The following GRIK5 variants were observed in gnomAD, a reference collection of about 807,000 sequenced individuals.
GRIK5 encodes glutamate ionotropic receptor kainate type subunit 5, also known as glutamate receptor ionotropic, kainate 5.
Under a neutral mutation model 97.4 loss-of-function variants are expected in GRIK5, and 43 were observed. The ratio of observed to expected loss-of-function variants is 0.44; its 90% confidence interval spans 0.35 to 0.57. GRIK5 has a LOEUF of 0.57. Among genes scored for constraint, GRIK5 ranks in the 20% least tolerant of loss-of-function variants. The pLI is 0.01. For synonymous variants in GRIK5, 580 were observed against 583.5 expected (o/e 0.99, Z 0.09); for missense variants, 1,015 against 1,382.0 (o/e 0.73, Z 4.21).
At chr19:42,057,289 CCT>C (rs976489404) in intron 6 of GRIK5, among the ~76,000 whole-genome samples, 10 of 152,044 alleles carry the variant, frequency 6.6e-5, no homozygotes, top group African/African-American at 2.2e-4. Flanking sequence ...CCAAATGTCC[CCT>C]GTCTCTCATG....
In GRIK5 at chr19:42,062,750, C is replaced by T. The variant is rs1420630530; in HGVS notation, c.342+8G>A. 1 of 1,613,000 alleles carries T rather than the reference C, an allele frequency of 6.2e-7. No homozygotes were observed. Among genetic ancestry groups the T allele is most frequent in the African/African-American group, 1.3e-5 (1 of 75,038 alleles). On this transcript the variant is annotated splice_region_variant and intron_variant, in intron 4 of 19. Transcript: ENST00000593562. The surrounding 1 kb of genome is among the most constrained non-coding windows in gnomAD (Gnocchi z 5.3). ...CCACAAAGCGCCGGCCCACACTCCC[C>T]ATCTCACCTCCTTCTCTCCACAGAT...
intron 11 of GRIK5, among the ~76,000 whole-genome samples, chr19:42,049,202 C>T (rs894344893): frequency 1.3e-5 from 2 of 152,248 alleles, no homozygotes; most frequent in East Asian, 1.9e-4. Flanking sequence ...TTCATTCATT[C>T]GCTGCCGCTG....
intron 15 of GRIK5, among the ~76,000 whole-genome samples, chr19:42,016,845 C>G (rs1255961473): frequency 1.3e-5 from 2 of 152,110 alleles, no homozygotes; most frequent in African/African-American, 4.8e-5. Flanking sequence ...CAGCGTAGGA[C>G]AGCCGGATAA....
At chr19:42,048,327 T>C (rs530403397) in intron 11 of GRIK5, among the ~76,000 whole-genome samples, 1 of 152,256 alleles carries the variant, frequency 6.6e-6, no homozygotes, top group South Asian at 2.1e-4. Flanking sequence ...AATGTATAAA[T>C]AACTCACAAT....
chr19:42,010,844 G>A (rs573318699), intron 15 of GRIK5, among the ~76,000 whole-genome samples: 1 of 152,050 alleles, frequency 6.6e-6, no homozygotes, highest in Admixed American at 6.6e-5. Context: ...TTGAGACAGG[G>A]TCCTGCTCTA....
At chr19:42,056,410 A>C (rs967336220) in intron 8 of GRIK5, among the ~76,000 whole-genome samples, 11 of 152,054 alleles carry the variant, frequency 7.2e-5, no homozygotes, top group African/African-American at 2.7e-4. Flanking sequence ...AAGCAGGGGG[A>C]AGAGGGTGTG....
intron 15 of GRIK5, among the ~76,000 whole-genome samples, chr19:42,010,868 T>A (rs1212434456): frequency 6.6e-6 from 1 of 152,136 alleles, no homozygotes; most frequent in East Asian, 1.9e-4. Flanking sequence ...TGGAGAGGCG[T>A]GAACACAGCT....
Position 42,021,820 on chromosome 19 carries a change from C to A in GRIK5, c.1697+127G>T, listed in dbSNP as rs572115591. Reference sequence around the variant, plus strand: ...AGGGCACAAAACTGAGAAAGGAGGGCACAGGGAATCCGAGGCCCCAAAGGG... The same window carrying A: ...AGGGCACAAAACTGAGAAAGGAGGGAACAGGGAATCCGAGGCCCCAAAGGG... On this transcript the variant is annotated intron_variant, in intron 14 of 19. Coordinates refer to ENST00000593562, the MANE Select transcript of GRIK5 (RefSeq NM_002088.5). This position sits in a 1 kb window ranked among gnomAD's most constrained non-coding sequence, Gnocchi z 4.2. 4 of 643,506 alleles carry A rather than the reference C, an allele frequency of 6.2e-6. No individual in the cohort carries two copies. The highest frequency in any genetic ancestry group is 1.1e-5 in the Non-Finnish European group (4 of 358,102). The allele number at this position is 643,506 out of a possible 1,614,324, so 39.9% of individuals were successfully genotyped here. A position where few individuals can be genotyped will look rare whatever the true frequency, so the allele number is the denominator to read the frequency against.
chr19:42,054,205 A>C (rs947356728), intron 9 of GRIK5, 115 bp downstream of exon 9: 23 of 1,115,466 alleles, frequency 2.1e-5, no homozygotes, highest in Non-Finnish European at 7.8e-6. Context: ...CAGGGGAGGC[A>C]GTGGGTACGG....
chr19:42,028,122 C>T (rs557832007), intron 12 of GRIK5, among the ~76,000 whole-genome samples: 2 of 152,308 alleles, frequency 1.3e-5, no homozygotes, highest in African/African-American at 4.8e-5. Context: ...CGTAAGCCAC[C>T]ATGCATGGTA....
chr19:42,042,771 A>G lies in GRIK5; in HGVS notation c.1270-16T>C. The G allele has an allele frequency of 1.2e-6, 2 of 1,604,952 alleles. No individual in the cohort carries two copies. Among genetic ancestry groups the G allele is most frequent in the South Asian group, 2.2e-5 (2 of 90,482 alleles). On this transcript the variant is annotated splice_polypyrimidine_tract_variant and intron_variant, in intron 11 of 19. Transcript: ENST00000593562. This position sits in a 1 kb window ranked among gnomAD's most constrained non-coding sequence, Gnocchi z 6.9. ...ATGGGTTCTCCTGGGTGGGCAGAAG[A>G]AAGCAGGGGTCAGAGGCTGGGTGTC...
At chr19:42,061,087 G>A (rs1004129172) in intron 5 of GRIK5, among the ~76,000 whole-genome samples, 5 of 151,956 alleles carry the variant, frequency 3.3e-5, no homozygotes, top group Middle Eastern at 3.2e-3. Flanking sequence ...TCGCTCTGTC[G>A]CCCAGGCTGG....
intron 11 of GRIK5, among the ~76,000 whole-genome samples, chr19:42,049,491 C>T (rs1457094490): frequency 1.3e-5 from 2 of 152,260 alleles, no homozygotes; most frequent in East Asian, 1.9e-4. Flanking sequence ...ACAGATGAAA[C>T]TCATAATGTT....
At position 41,999,121 on chromosome 19, in the gene GRIK5, TC is replaced by T; in HGVS notation, c.2692del (p.Asp898MetfsTer?). ...CGGGCCCCCGTGCGCGCTGCCCGCA[TC>T]CCCGCCCGCGCCGGCCGAGTAGAGC... Reference protein sequence around the residue: ...GKLYSAGAGGDAGSAHGGPQR... With the variant: ...GKLYSAGAGGXAGSAHGGPQR... On this transcript the variant is annotated frameshift_variant, in exon 20 of 20. Coordinates refer to ENST00000593562, the MANE Select transcript of GRIK5 (RefSeq NM_002088.5). LOFTEE classifies it low-confidence loss of function (END_TRUNC). The surrounding 1 kb of genome is among the most constrained non-coding windows in gnomAD (Gnocchi z 5.0). The T allele has an allele frequency of 1.4e-6, 2 of 1,419,866 alleles. No homozygotes were observed. Among genetic ancestry groups the T allele is most frequent in the Non-Finnish European group, 1.8e-6 (2 of 1,093,280 alleles). The allele number at this position is 1,419,866 out of a possible 1,614,324, so 88.0% of individuals were successfully genotyped here. A position where few individuals can be genotyped will look rare whatever the true frequency, so the allele number is the denominator to read the frequency against.
At chr19:42,067,437 C>A (rs767715455) in intron 1 of GRIK5, among the ~76,000 whole-genome samples, 1 of 152,084 alleles carries the variant, frequency 6.6e-6, no homozygotes, top group Admixed American at 6.6e-5. Flanking sequence ...GGACTGCAAA[C>A]TATAATGTGG....
rs544134293 is a variant in GRIK5, at chr19:42,002,108, G to A, written c.2514+1224C>T. ...CCTCATATACATGAGGCCTGAGACC[G>A]GGAATTTCAGACATGGAAGTTGCTG... On this transcript the variant is annotated intron_variant, in intron 19 of 19. Transcript: ENST00000593562. This position sits in a 1 kb window ranked among gnomAD's most constrained non-coding sequence, Gnocchi z 5.2. 22 of 715,794 alleles carry A rather than the reference G, an allele frequency of 3.1e-5. No individual in the cohort carries two copies. Among genetic ancestry groups the A allele is most frequent in the Middle Eastern group, 2.3e-4 (1 of 4,366 alleles). The allele number at this position is 715,794 out of a possible 1,614,324, so 44.3% of individuals were successfully genotyped here. A position where few individuals can be genotyped will look rare whatever the true frequency, so the allele number is the denominator to read the frequency against.
At chr19:42,001,014 T>C (rs1009898965) in intron 19 of GRIK5, among the ~76,000 whole-genome samples, 1 of 152,168 alleles carries the variant, frequency 6.6e-6, no homozygotes, top group African/African-American at 2.4e-5. Flanking sequence ...CAGCTGCCTT[T>C]CATGTGCAAA....
chr19:42,046,356 T>A (rs2076043289), intron 11 of GRIK5, among the ~76,000 whole-genome samples: 1 of 152,136 alleles, frequency 6.6e-6, no homozygotes, highest in Non-Finnish European at 1.5e-5. Context: ...AGTCACAGAC[T>A]ATCAGAACAG....
chr19:42,062,892 C>G lies in GRIK5; in HGVS notation c.245-37G>C. 1 of 1,448,950 alleles carries G rather than the reference C, an allele frequency of 6.9e-7. No individual in the cohort carries two copies. Among genetic ancestry groups the G allele is most frequent in the Non-Finnish European group, 9.7e-7 (1 of 1,030,408 alleles). 89.8% of individuals were successfully genotyped at this position (1,448,950 alleles called of 1,614,324 possible). The stretch of plus-strand genomic sequence containing the variant: ...GGGGAAGAGACCGCAGAGTCAGGGA[C>G]CCCCTGCCTCCTCTCCTTCCCCATC... On this transcript the variant is annotated intron_variant, in intron 3 of 19. Transcript: ENST00000593562. This position sits in a 1 kb window ranked among gnomAD's most constrained non-coding sequence, Gnocchi z 5.3.
Sources: gnomAD v4.1 joint callset for allele counts (sites outside exome capture counted in the v4.1 genomes callset) on GRCh38, gnomAD v4.1.1 for gene constraint, Gnocchi (gnomAD v3.1) non-coding constraint, MANE v1.5 for transcripts, NCBI Gene and HGNC (gene_info 2026-07-23, HGNC 2026-07-21) for gene names.